EPRS1: variants seen among roughly 807,000 people sequenced by gnomAD.
The protein encoded by EPRS1 is bifunctional glutamate/proline--tRNA ligase.
EPRS1 carries 107 observed loss-of-function variants against 188.3 expected under a neutral mutation model. The ratio of observed to expected loss-of-function variants is 0.57; its 90% CI spans 0.49 to 0.67. The LOEUF is 0.67. EPRS1 is among the 30% of genes least tolerant of loss of function. EPRS1 has a pLI of 0.00. For synonymous variants in EPRS1, 596 were observed against 593.1 expected (o/e 1.00, Z -0.07); for missense variants, 1,577 against 1,802.2 (o/e 0.88, Z 2.26).
chr1:219,980,904 A>AT (rs35193743), intron 24 of EPRS1, 47 bp from the exon 25 acceptor site: 6,265 of 898,004 alleles, frequency 7.0e-3, no homozygotes, highest in East Asian at 7.5e-3. Context: ...GAGCTTTTCA[A>AT]TTTTTTTTTT....
In EPRS1 at chr1:219,988,595, G is replaced by C. The variant is rs1051521545; in HGVS notation, c.2770C>G (p.Pro924Ala). The C allele has an allele frequency of 1.2e-6, 2 of 1,604,986 alleles. No homozygotes were observed. The highest frequency in any genetic ancestry group is 3.3e-5 in the Admixed American group (2 of 59,862). ...AAACAAAATAACACACTAACCTTAG[G>C]GGCTTTTTCAGTTTTAAGTTTCCGA... is the stretch of plus-strand genomic sequence containing the variant. ...VVRKLKTEKA[P>A]KDQVDIAVQE... The change falls in exon 19 of 32, where the codon CCT becomes GCT. Residue 924 changes from proline to alanine, a missense_variant. Around this residue, in one of 3 missense-constraint regions of EPRS1, gnomAD observed 1,278 missense variants for 1,457.4 expected, o/e 0.88. Transcript: ENST00000366923.
At chr1:220,003,197 T>C (rs1348206763) in intron 16 of EPRS1, among the ~76,000 whole-genome samples, 2 of 152,208 alleles carry the variant, frequency 1.3e-5, no homozygotes, top group African/African-American at 4.8e-5. Context: ...TCATTGTCAT[T>C]TTCATCTGAA....
intron 2 of EPRS1, among the ~76,000 whole-genome samples, chr1:220,035,316 A>T (rs966618622): frequency 1.4e-4 from 22 of 151,888 alleles, no homozygotes; most frequent in African/African-American, 5.3e-4. Context: ...ACGACAGGCT[A>T]ATTTTTTGTA....
intron 6 of EPRS1, among the ~76,000 whole-genome samples, chr1:220,028,467 GCACACACACACACA>G: frequency 6.6e-6 from 1 of 151,204 alleles, no homozygotes; most frequent in South Asian, 2.1e-4. Flanking sequence ...ACACACACGC[GCACACACACACACA>G]CACAAAAGAA....
chr1:219,998,471 T>C (rs1199442102), intron 17 of EPRS1, among the ~76,000 whole-genome samples: 2 of 152,012 alleles, frequency 1.3e-5, no homozygotes, highest in African/African-American at 4.8e-5. Flanking sequence ...TATGCATATA[T>C]AAATGCATAT....
At chr1:220,019,206 T>C (rs1661807583) in intron 10 of EPRS1, 127 bp from the exon 11 acceptor site, 2 of 670,970 alleles carry the variant, frequency 3.0e-6, no homozygotes, top group Non-Finnish European at 5.2e-6. Flanking sequence ...CTAGTTATAC[T>C]AATTAGGTAG....
chr1:220,036,764 G>C (rs10863526), intron 2 of EPRS1, among the ~76,000 whole-genome samples: 1 of 151,834 alleles, frequency 6.6e-6, no homozygotes, highest in African/African-American at 2.4e-5. Context: ...AATATGTACA[G>C]CAAACCCCAT....
In EPRS1 at chr1:220,007,237, T is replaced by C. The variant is rs780797870; in HGVS notation, c.1707A>G (p.Ile569Met). ...TFSEGEMVTF[I>M]NWGNLNITKI... is the part of the protein sequence containing the mutation. ...TTGTAATGTTGAGGTTGCCCCAATT[T>C]ATAAATGTAACCATCTCACCCTCCG... Residue 569 changes from isoleucine to methionine, a missense_variant, in exon 14 of 32, where the codon ATA becomes ATG. Physicochemically the swap from Ile to Met is conservative, Grantham distance 10. Transcript: ENST00000366923. 5.0e-6 allele frequency: 8 copies of C among 1,613,706 alleles called. No homozygotes were observed. The highest frequency in any genetic ancestry group is 1.7e-5 in the Admixed American group (1 of 59,990).
At chr1:219,982,969 G>A (rs112696188) in intron 22 of EPRS1, 125 bp from the exon 23 acceptor site, 3 of 865,942 alleles carry the variant, frequency 3.5e-6, no homozygotes, top group East Asian at 2.6e-5. Flanking sequence ...TAAAATAGTC[G>A]CTGCTGTTCA....
chr1:220,013,395 C>T (rs991067033), intron 12 of EPRS1, among the ~76,000 whole-genome samples: 7 of 152,186 alleles, frequency 4.6e-5, no homozygotes, highest in African/African-American at 1.7e-4. Flanking sequence ...ACATCTCTTT[C>T]CCCTTCATCC....
rs374719923 is a variant in EPRS1, at chr1:220,006,097, G to A, written c.1950+9C>T. The A allele has an allele frequency of 3.3e-6, 5 of 1,493,384 alleles. No individual in the cohort carries two copies. Among genetic ancestry groups the A allele is most frequent in the Non-Finnish European group, 4.5e-6 (5 of 1,105,762 alleles). The allele number at this position is 1,493,384 out of a possible 1,614,324, so 92.5% of individuals were successfully genotyped here. A position where few individuals can be genotyped will look rare whatever the true frequency, so the allele number is the denominator to read the frequency against. On this transcript the variant is annotated intron_variant, in intron 15 of 31. Transcript: ENST00000366923. ...TAAAAGGTGAAATATGGTTTCTTTG[G>A]AAGGTTACCTTACTGTTCTTGTTGA...
intron 12 of EPRS1, among the ~76,000 whole-genome samples, chr1:220,012,155 C>G (rs777080102): frequency 1.3e-5 from 2 of 152,086 alleles, no homozygotes; most frequent in Non-Finnish European, 2.9e-5. Context: ...TCTGCTAATC[C>G]TCATCTGCTT....
In EPRS1 at chr1:219,971,795, T is replaced by TATATATATATATATATATATACACAC. The variant is rs140568859; in HGVS notation, c.4323+273_4323+274insGTGTGTATATATATATATATATATAT. On this transcript the variant is annotated intron_variant, in intron 30 of 31. Transcript: ENST00000366923. The stretch of plus-strand genomic sequence containing the variant: ...GTAGAAAACAAAGACTATATATATA[T>TATATATATATATATATATATACACAC]ACATATACACACACACTATATTTAT... 6.5e-3 allele frequency among the ~76,000 whole-genome samples: 702 copies of TATATATATATATATATATATACACAC among 108,366 alleles called. 44 individuals are homozygous for TATATATATATATATATATATACACAC. Among genetic ancestry groups the TATATATATATATATATATATACACAC allele is most frequent in the African/African-American group, 0.013 (401 of 31,244 alleles). 71.1% of individuals were successfully genotyped at this position (108,366 alleles called of 152,430 possible). A position where few individuals can be genotyped will look rare whatever the true frequency, so the allele number is the denominator to read the frequency against.
rs1662107035 is a variant in EPRS1, at chr1:220,032,533, G to A, written c.389-7C>T. On this transcript the variant is annotated splice_region_variant and splice_polypyrimidine_tract_variant and intron_variant, in intron 4 of 31. Coordinates refer to ENST00000366923, the MANE Select transcript of EPRS1 (RefSeq NM_004446.3). ...TCTTGCCAGGCAGCATTTCCTATGA[G>A]CAAAGATAATTTTAAACTATTCAAT... The A allele has an allele frequency of 1.2e-6, 2 of 1,612,100 alleles. No individual in the cohort carries two copies. The highest frequency in any genetic ancestry group is 1.3e-5 in the African/African-American group (1 of 74,764).
At chr1:219,975,657 G>A (rs576432081) in intron 28 of EPRS1, among the ~76,000 whole-genome samples, 5 of 152,172 alleles carry the variant, frequency 3.3e-5, no homozygotes, top group South Asian at 2.1e-4. Flanking sequence ...GGCTGGTGGC[G>A]AAATCCTGAC....
chr1:220,024,996 T>C, intron 7 of EPRS1, 136 bp downstream of exon 7: 1 of 819,122 alleles, frequency 1.2e-6, no homozygotes, highest in Non-Finnish European at 2.0e-6. Context: ...GGCTTAGGTC[T>C]CAGATATGGA....
chr1:220,040,236 T>A lies in EPRS1; in HGVS notation c.80A>T (p.Asp27Val), dbSNP rs762442928. ...ALLAVEHVKD[D>V]VSISVEEGKE... ...CCCTTCTTCAACGGAAATGCTGACA[T>A]CGTCTTTCACGTGTTCTACTGCCAG... Residue 27 changes from aspartate (D) to valine (V), a missense_variant, in exon 2 of 32, where the codon GAT becomes GTT. Asp to Val is a radical substitution (Grantham distance 152). Around this residue, in one of 3 missense-constraint regions of EPRS1, gnomAD observed 1,278 missense variants for 1,457.4 expected, o/e 0.88. Coordinates refer to ENST00000366923, the MANE Select transcript of EPRS1 (RefSeq NM_004446.3). 1.9e-6 allele frequency: 3 copies of A among 1,610,522 alleles called. No individual in the cohort carries two copies. In the Admixed American group the frequency reaches 5.0e-5, roughly 27 times the overall value.
Position 220,046,429 on chromosome 1 carries a change from C to G in EPRS1, c.-41G>C, listed in dbSNP as rs772865969. ...GGTCCACCTGTCAGTACGCCTGGCT[C>G]GTGCCAGAACTACGGAGGACCCCGC... On this transcript the variant is annotated 5_prime_UTR_variant, in exon 1 of 32. Coordinates refer to ENST00000366923, the MANE Select transcript of EPRS1 (RefSeq NM_004446.3). 11 of 1,612,706 alleles carry G rather than the reference C, an allele frequency of 6.8e-6. No homozygotes were observed. The highest frequency in any genetic ancestry group is 8.5e-6 in the Non-Finnish European group (10 of 1,179,582).
intron 1 of EPRS1, among the ~76,000 whole-genome samples, chr1:220,040,928 A>G (rs1052180177): frequency 6.6e-6 from 1 of 151,792 alleles, no homozygotes; most frequent in Non-Finnish European, 1.5e-5. Flanking sequence ...AAAAAACTAA[A>G]AAAAAAAAAA....
Sources: allele counts gnomAD v4.1 joint callset (sites outside exome capture counted in the v4.1 genomes callset), GRCh38; gene constraint gnomAD v4.1.1; regional missense constraint gnomAD v4.1.1; transcripts MANE v1.5; gene names NCBI Gene and HGNC (gene_info 2026-07-23, HGNC 2026-07-21).